Variants in SLC24A4 observed in about 807,000 individuals in gnomAD.
The protein encoded by SLC24A4 is sodium/potassium/calcium exchanger 4.
Under a neutral mutation model 79.0 loss-of-function variants are expected in SLC24A4, and 53 were observed. That is an observed-to-expected ratio of 0.67 (90% confidence interval 0.54 to 0.84). SLC24A4 has a LOEUF of 0.84. Ranked by LOEUF, SLC24A4 falls within the 40% of genes least tolerant of loss-of-function variation. The probability of loss-of-function intolerance (pLI) is 0.00; values close to 1 mark genes in which losing one functional copy is unlikely to be tolerated. For missense variants in SLC24A4, 731 were observed against 822.0 expected (o/e 0.89, Z 1.35); for synonymous variants, 323 against 323.8 (o/e 1.00, Z 0.03).
chr14:92,435,873 G>A (rs1374392095), intron 3 of SLC24A4, among the ~76,000 whole-genome samples: 1 of 152,176 alleles, frequency 6.6e-6, no homozygotes, highest in Non-Finnish European at 1.5e-5. Context: ...CTAAGGGACT[G>A]TGGATGTGGC....
intron 2 of SLC24A4, among the ~76,000 whole-genome samples, chr14:92,389,143 T>C (rs1205438396): frequency 1.3e-5 from 2 of 152,168 alleles, no homozygotes; most frequent in African/African-American, 4.8e-5. Flanking sequence ...GGATGATGGA[T>C]GCATGGAAGT....
chr14:92,391,301 G>A (rs1285231765), intron 2 of SLC24A4, among the ~76,000 whole-genome samples: 2 of 152,172 alleles, frequency 1.3e-5, no homozygotes, highest in African/African-American at 2.4e-5. Flanking sequence ...CTGACCTTCC[G>A]CTCAGCATCT....
Position 92,441,888 on chromosome 14 carries a change from C to T in SLC24A4, c.394-201C>T, listed in dbSNP as rs150520570. On this transcript the variant is annotated intron_variant, in intron 4 of 16. Coordinates refer to ENST00000532405, the MANE Select transcript of SLC24A4 (RefSeq NM_153646.4). This position sits in a 1 kb window ranked among gnomAD's most constrained non-coding sequence, Gnocchi z 4.6. Reference sequence around the variant, plus strand: ...GATAGTTGGGGGTGGGGAAGGGGCTCTGAGTGGAATGCCTGGTGGAGGCTG... The same window carrying T: ...GATAGTTGGGGGTGGGGAAGGGGCTTTGAGTGGAATGCCTGGTGGAGGCTG... Among the ~76,000 whole-genome samples, 1 of 152,134 alleles carries T rather than the reference C, an allele frequency of 6.6e-6. No individual in the cohort carries two copies.
chr14:92,471,583 A>G (rs922890785), intron 12 of SLC24A4, among the ~76,000 whole-genome samples: 1 of 152,168 alleles, frequency 6.6e-6, no homozygotes, highest in African/African-American at 2.4e-5. Context: ...CCCAGGGCCT[A>G]TGTAACCCCA....
chr14:92,459,354 T>C (rs1376721177), intron 12 of SLC24A4, among the ~76,000 whole-genome samples: 1 of 152,194 alleles, frequency 6.6e-6, no homozygotes, highest in Non-Finnish European at 1.5e-5. Flanking sequence ...AGGCTTAGAA[T>C]GCAGCTGTCT....
At chr14:92,439,295 G>A (rs1892358421) in intron 3 of SLC24A4, 40 bp from the exon 4 acceptor site, 8 of 1,567,798 alleles carry the variant, frequency 5.1e-6, no homozygotes, top group Non-Finnish European at 7.0e-6. Context: ...CTGCAGCAGG[G>A]ACCCTCACCG....
At chr14:92,391,999 C>T (rs887582667) in intron 2 of SLC24A4, among the ~76,000 whole-genome samples, 1 of 152,194 alleles carries the variant, frequency 6.6e-6, no homozygotes, top group African/African-American at 2.4e-5. Context: ...CTCCTCCCCC[C>T]ACCACTTCCC....
intron 12 of SLC24A4, among the ~76,000 whole-genome samples, chr14:92,469,458 G>A (rs1379418071): frequency 4.6e-5 from 7 of 151,248 alleles, no homozygotes; most frequent in South Asian, 2.1e-4. Context: ...GCAGTGAGCC[G>A]AGATCGCGCC....
intron 12 of SLC24A4, among the ~76,000 whole-genome samples, chr14:92,464,961 G>A (rs61977312): frequency 0.076 from 11,500 of 152,194 alleles, 589 homozygotes; most frequent in East Asian, 0.16. Flanking sequence ...TCCTCCAGCA[G>A]GCACCTGCTC....
rs1894650091 is a variant in SLC24A4 at position 92,474,815 on chromosome 14, A to G, written c.1256-7865A>G. On this transcript the variant is annotated intron_variant, in intron 12 of 16. Transcript: ENST00000532405. ...TGTGTATATATATACATATATACAT[A>G]TATATACATATATATGTGTGTGTGT... Among the ~76,000 whole-genome samples the G allele has an allele frequency of 5.7e-5, 3 of 52,458 alleles. No individual in the cohort carries two copies. In the Admixed American group the frequency reaches 8.7e-4, roughly 15 times the overall value. The allele number at this position is 52,458 out of a possible 152,430, so 34.4% of individuals were successfully genotyped here.
At chr14:92,483,685 T>C (rs1441165124) in intron 13 of SLC24A4, 1 of 1,261,496 alleles carries the variant, frequency 7.9e-7, no homozygotes, top group African/African-American at 1.5e-5. Context: ...CCACTCTCTG[T>C]ATACCACCTA....
rs1367343894 is a variant in SLC24A4, at chr14:92,495,711, C to T, written c.*2083C>T. On this transcript the variant is annotated 3_prime_UTR_variant, in exon 17 of 17. Coordinates refer to ENST00000532405, the MANE Select transcript of SLC24A4 (RefSeq NM_153646.4). Reference sequence around the variant, plus strand: ...TTGGAGAGGTCAAGGGTCTCTAGTTCAATGGCCAGTCATAGCAGAAGGGAG... The same window carrying T: ...TTGGAGAGGTCAAGGGTCTCTAGTTTAATGGCCAGTCATAGCAGAAGGGAG... 1 of 152,274 alleles carries T rather than the reference C, an allele frequency of 6.6e-6. No individual in the cohort carries two copies. The highest frequency in any genetic ancestry group is 2.4e-5 in the African/African-American group (1 of 41,448). The allele number at this position is 152,274 out of a possible 1,614,324, so 9.4% of individuals were successfully genotyped here.
intron 12 of SLC24A4, among the ~76,000 whole-genome samples, chr14:92,471,275 G>C (rs533590959): frequency 1.3e-5 from 2 of 152,248 alleles, no homozygotes; most frequent in Non-Finnish European, 2.9e-5. Context: ...TCCTAGCAGG[G>C]ACAAGGAGGA....
chr14:92,352,728 G>A (rs1445749458), intron 2 of SLC24A4, among the ~76,000 whole-genome samples: 3 of 152,218 alleles, frequency 2.0e-5, no homozygotes, highest in Non-Finnish European at 4.4e-5. Context: ...GGTGGCTGAT[G>A]TCGGAGGTTT....
At chr14:92,449,289 C>T (rs1341140411) in intron 10 of SLC24A4, 73 bp downstream of exon 10, 8 of 339,766 alleles carry the variant, frequency 2.4e-5, no homozygotes, top group Admixed American at 1.3e-4. Context: ...TGTACACACA[C>T]ACACACACAC....
intron 12 of SLC24A4, among the ~76,000 whole-genome samples, chr14:92,461,832 G>A (rs1361701309): frequency 6.6e-6 from 1 of 152,162 alleles, no homozygotes; most frequent in Non-Finnish European, 1.5e-5. Flanking sequence ...GAACGAGGTA[G>A]GAATGCTTAT....
At position 92,342,383 on chromosome 14, in the gene SLC24A4, T is replaced by A. The variant is rs550128071; in HGVS notation, c.241+16405T>A. On this transcript the variant is annotated intron_variant, in intron 2 of 16. Coordinates refer to ENST00000532405, the MANE Select transcript of SLC24A4 (RefSeq NM_153646.4). ...TTCCCCATTTATTTATTTATTTATTTATTTATTTATTTATTTTGAGATGGA... is the reference window on the plus strand; with the variant it reads ...TTCCCCATTTATTTATTTATTTATTAATTTATTTATTTATTTTGAGATGGA... 2.9e-3 allele frequency among the ~76,000 whole-genome samples: 411 copies of A among 140,204 alleles called. 1 individual carries two copies. Among genetic ancestry groups the A allele is most frequent in the African/African-American group, 7.8e-3 (297 of 38,148 alleles). 92.0% of individuals were successfully genotyped at this position (140,204 alleles called of 152,430 possible).
At chr14:92,426,228 G>A (rs2139770763) in intron 2 of SLC24A4, among the ~76,000 whole-genome samples, 1 of 152,256 alleles carries the variant, frequency 6.6e-6, no homozygotes, top group East Asian at 1.9e-4. Flanking sequence ...TGATTCTGAT[G>A]TCTGGAAAAG....
chr14:92,376,860 T>C (rs1448303890), intron 2 of SLC24A4, among the ~76,000 whole-genome samples: 3 of 152,028 alleles, frequency 2.0e-5, no homozygotes, highest in East Asian at 1.9e-4. Flanking sequence ...GTGGGTAGAG[T>C]ATCTAGTGGG....
Sources: gnomAD v4.1 joint callset for allele counts (sites outside exome capture counted in the v4.1 genomes callset) on GRCh38, gnomAD v4.1.1 for gene constraint, Gnocchi (gnomAD v3.1) non-coding constraint, MANE v1.5 for transcripts, NCBI Gene and HGNC (gene_info 2026-07-23, HGNC 2026-07-21) for gene names.